The following SAXO1 variants were observed in gnomAD, a reference collection of about 807,000 sequenced individuals.
SAXO1 encodes the protein stabilizer of axonemal microtubules 1, also known as 4930500O09Rik.
SAXO1 carries 21 observed loss-of-function variants against 17.5 expected under a neutral mutation model. The ratio of observed to expected loss-of-function variants is 1.20; its 90% CI spans 0.85 to 1.72. The LOEUF is 1.72. SAXO1 is among the 40% of genes most tolerant of loss of function. The pLI is 0.00. For synonymous variants in SAXO1, 274 were observed against 216.5 expected, an observed-to-expected ratio of 1.27 and a Z score of -2.33; for missense variants, 843 against 596.0, an observed-to-expected ratio of 1.41 and a Z score of -4.32.
chr9:18,981,191 G>C (rs113495529), intron 1 of SAXO1, among the ~76,000 whole-genome samples: 2 of 152,236 alleles, frequency 1.3e-5, no homozygotes, highest in Admixed American at 1.3e-4. Flanking sequence ...TTGTGATTGC[G>C]ATAATTAAAT....
chr9:18,962,827 CT>C lies in SAXO1; in HGVS notation c.39-11891del, dbSNP rs367692610. Among the ~76,000 whole-genome samples, 22 of 152,326 alleles carry C rather than the reference CT, an allele frequency of 1.4e-4. No homozygotes were observed. In the East Asian group the frequency reaches 4.2e-3, roughly 29 times the overall value. ...ATTAGATCCCATTTGTCAATTTTGG[CT>C]TTTGTCGCCATTGCTTTTGGTGTTT... On this transcript the variant is annotated intron_variant, in intron 1 of 3. Coordinates refer to ENST00000380534, the MANE Select transcript of SAXO1 (RefSeq NM_153707.4).
At chr9:18,949,220 C>G (rs116808059) in intron 2 of SAXO1, among the ~76,000 whole-genome samples, 132 of 152,280 alleles carry the variant, frequency 8.7e-4, no homozygotes, top group African/African-American at 3.0e-3. Context: ...GCACTTAAAC[C>G]AAATCATTTA....
chr9:18,946,224 C>T (rs975783723), intron 2 of SAXO1, among the ~76,000 whole-genome samples: 11 of 138,182 alleles, frequency 8.0e-5, no homozygotes, highest in South Asian at 4.5e-4. Flanking sequence ...TGCGGTGAGC[C>T]GAGATCGTGC....
rs144757584 is a variant in SAXO1 at position 18,928,330 on chromosome 9, G to T, written c.1147C>A (p.Pro383Thr). 7 of 1,613,348 alleles carry T rather than the reference G, an allele frequency of 4.3e-6. No individual in the cohort carries two copies. The Admixed American group carries it at 1.2e-4, about 27-fold the overall frequency. ...TTRAHYVPHL[P>T]INTKSCKPHW... The stretch of plus-strand genomic sequence containing the variant: ...GGCTTACAGCTTTTGGTATTGATAG[G>T]CAGGTGGGGCACATAGTGGGCCCGA... The change falls in exon 4 of 4, where the codon CCT becomes ACT. Residue 383 changes from proline (P) to threonine (T), a missense_variant. Transcript: ENST00000380534.
At position 18,938,447 on chromosome 9, in the gene SAXO1, C is replaced by T. The variant is rs554134260; in HGVS notation, c.421+3190G>A. 5.3e-5 allele frequency among the ~76,000 whole-genome samples: 8 copies of T among 152,046 alleles called. 1 individual carries two copies. Among genetic ancestry groups the T allele is most frequent in the East Asian group, 3.9e-4 (2 of 5,160 alleles). On this transcript the variant is annotated intron_variant, in intron 3 of 3. Coordinates refer to ENST00000380534, the MANE Select transcript of SAXO1 (RefSeq NM_153707.4). ...TACACGGCAGGAGCAGGACAGAGAG[C>T]GCGAGTCGGGAGGTGGGGAGGTGCC...
In SAXO1 at chr9:18,999,769, C is replaced by T. The variant is rs12006233; in HGVS notation, c.38+33102G>A. On this transcript the variant is annotated intron_variant, in intron 1 of 3. Transcript: ENST00000380534. ...GAAGTGAGGAGCGCCTCTGCCCGGC[C>T]GCCACACCATCTGGAGAGTGAGGAG... 4.7e-3 allele frequency among the ~76,000 whole-genome samples: 666 copies of T among 143,170 alleles called. 4 individuals are homozygous for T. The highest frequency in any genetic ancestry group is 0.016 in the African/African-American group (615 of 37,896). 93.9% of individuals were successfully genotyped at this position (143,170 alleles called of 152,430 possible).
At chr9:18,962,253 AGT>A (rs1832518971) in intron 1 of SAXO1, among the ~76,000 whole-genome samples, 3 of 152,030 alleles carry the variant, frequency 2.0e-5, no homozygotes, top group Non-Finnish European at 4.4e-5. Flanking sequence ...TTTTTAGTAG[AGT>A]CGGGGTTTCT....
At chr9:19,014,504 A>T (rs999533718) in intron 1 of SAXO1, among the ~76,000 whole-genome samples, 10 of 151,762 alleles carry the variant, frequency 6.6e-5, no homozygotes, top group South Asian at 4.2e-4. Context: ...TTAAAAATTT[A>T]AAAAAAAATT....
intron 1 of SAXO1, among the ~76,000 whole-genome samples, chr9:18,982,319 T>C (rs1833422485): frequency 6.6e-6 from 1 of 152,222 alleles, no homozygotes. Flanking sequence ...GTCACATTTC[T>C]TGGAATTCCG....
At chr9:18,977,993 C>CAAAAAAAAAAAAAA (rs371914686) in intron 1 of SAXO1, among the ~76,000 whole-genome samples, 1 of 98,662 alleles carries the variant, frequency 1.0e-5, no homozygotes, top group African/African-American at 4.2e-5. Flanking sequence ...GAGACCCTGC[C>CAAAAAAAAAAAAAA]AAAAAAAAAA....
chr9:19,026,143 A>G (rs773497884), intron 1 of SAXO1, among the ~76,000 whole-genome samples: 3 of 152,216 alleles, frequency 2.0e-5, no homozygotes, highest in Non-Finnish European at 4.4e-5. Context: ...CAATGTGTGA[A>G]GTGATAGATA....
rs193114791 is a variant in SAXO1 at position 18,962,609 on chromosome 9, G to A, written c.39-11672C>T. Among the ~76,000 whole-genome samples the A allele has an allele frequency of 2.6e-3, 389 of 151,842 alleles. 1 individual carries two copies. The highest frequency in any genetic ancestry group is 3.3e-3 in the Non-Finnish European group (224 of 67,932). On this transcript the variant is annotated intron_variant, in intron 1 of 3. Coordinates refer to ENST00000380534, the MANE Select transcript of SAXO1 (RefSeq NM_153707.4). The stretch of plus-strand genomic sequence containing the variant: ...GTTCACTCTGATGATAGTTTCTTTT[G>A]TGTGCAGAAGCGTCTGTTCATATCG...
chr9:18,961,802 G>A (rs371901708), intron 1 of SAXO1, among the ~76,000 whole-genome samples: 40 of 152,232 alleles, frequency 2.6e-4, no homozygotes, highest in African/African-American at 9.1e-4. Context: ...AAACATACGT[G>A]TGCATGTGTC....
In SAXO1 at chr9:18,941,519, C is replaced by T. The variant is rs1831555797; in HGVS notation, c.421+118G>A. On this transcript the variant is annotated intron_variant, in intron 3 of 3. Transcript: ENST00000380534. ...AACAGGCTGCTGGCCAGATCTGGCCCGTAGGAAGTAGTCTGCCAACTCTTG... is the reference window on the plus strand; with the variant it reads ...AACAGGCTGCTGGCCAGATCTGGCCTGTAGGAAGTAGTCTGCCAACTCTTG... 2.4e-5 allele frequency: 28 copies of T among 1,148,500 alleles called. No homozygotes were observed. In the South Asian group the frequency reaches 3.7e-4, roughly 15 times the overall value. 71.1% of individuals were successfully genotyped at this position (1,148,500 alleles called of 1,614,324 possible). A position where few individuals can be genotyped will look rare whatever the true frequency, so the allele number is the denominator to read the frequency against.
At chr9:18,939,185 C>T (rs1025007029) in intron 3 of SAXO1, among the ~76,000 whole-genome samples, 2 of 152,184 alleles carry the variant, frequency 1.3e-5, no homozygotes, top group Non-Finnish European at 2.9e-5. Context: ...GCGCTTACTG[C>T]AGTTTCATTC....
intron 3 of SAXO1, among the ~76,000 whole-genome samples, chr9:18,938,626 G>T (rs1831405519): frequency 6.6e-6 from 1 of 152,062 alleles, no homozygotes; most frequent in South Asian, 2.1e-4. Context: ...TTCAACATGA[G>T]ATTTCATGGG....
chr9:18,965,347 G>A (rs1832672497), intron 1 of SAXO1, among the ~76,000 whole-genome samples: 1 of 152,096 alleles, frequency 6.6e-6, no homozygotes, highest in African/African-American at 2.4e-5. Flanking sequence ...ATTGACAGTG[G>A]GGTGTTAAAG....
At chr9:18,929,200 T>G in intron 3 of SAXO1, 145 bp from the exon 4 acceptor site, 1 of 927,182 alleles carries the variant, frequency 1.1e-6, no homozygotes, top group Non-Finnish European at 1.6e-6. Flanking sequence ...CTGCTACCAC[T>G]TCATTCAAAC....
Position 18,956,110 on chromosome 9 carries a change from A to AC in SAXO1, c.39-5174_39-5173insG, listed in dbSNP as rs1554670629. 6.4e-4 allele frequency among the ~76,000 whole-genome samples: 83 copies of AC among 128,790 alleles called. 12 individuals carry two copies. Among genetic ancestry groups the AC allele is most frequent in the Non-Finnish European group, 7.7e-4 (47 of 61,006 alleles). The allele number at this position is 128,790 out of a possible 152,430, so 84.5% of individuals were successfully genotyped here. A position where few individuals can be genotyped will look rare whatever the true frequency, so the allele number is the denominator to read the frequency against. On this transcript the variant is annotated intron_variant, in intron 1 of 3. Coordinates refer to ENST00000380534, the MANE Select transcript of SAXO1 (RefSeq NM_153707.4). ...CATGCACCACTGCACAACCTGGCTA[A>AC]TTTTTTTTTTTTTTTTTTTTTGTAG... is the stretch of plus-strand genomic sequence containing the variant.
Sources: gnomAD v4.1 joint callset for allele counts (sites outside exome capture counted in the v4.1 genomes callset) on GRCh38, gnomAD v4.1.1 for gene constraint, MANE v1.5 for transcripts, NCBI Gene and HGNC (gene_info 2026-07-23, HGNC 2026-07-21) for gene names.